KIF11: variants seen among roughly 807,000 people sequenced by gnomAD.
KIF11 encodes the protein kinesin-like protein KIF11.
A neutral mutation model predicts 121.0 loss-of-function variants in KIF11; 9 were observed. The ratio of observed to expected loss-of-function variants is 0.07; its 90% CI spans 0.04 to 0.13. The LOEUF (loss-of-function observed/expected upper bound fraction) is 0.13. Among genes scored for constraint, KIF11 ranks in the 10% least tolerant of loss-of-function variants. The pLI is 1.00. For missense variants in KIF11, 846 were observed against 1,217.5 expected (o/e 0.69, Z 4.54); for synonymous variants, 408 against 421.0 (o/e 0.97, Z 0.38).
At chr10:92,594,796 G>C (rs1844274094) in intron 1 of KIF11, among the ~76,000 whole-genome samples, 1 of 152,046 alleles carries the variant, frequency 6.6e-6, no homozygotes, top group African/African-American at 2.4e-5. Context: ...TCTTAGAAGA[G>C]ATTTACTTTA....
In KIF11 at chr10:92,649,783, AT is replaced by A. The variant is rs1844960448; in HGVS notation, c.2771-51del. On this transcript the variant is annotated intron_variant, in intron 19 of 21. Coordinates refer to ENST00000260731, the MANE Select transcript of KIF11 (RefSeq NM_004523.4). ...TAGGAAGTTTTAGGTTTTTTTAAAA[AT>A]ATTTACATCTCATACTTTAATTTTT... The A allele has an allele frequency of 3.1e-6, 4 of 1,288,588 alleles. No individual in the cohort carries two copies. The East Asian group carries it at 9.4e-5, about 30-fold the overall frequency. 79.8% of individuals were successfully genotyped at this position (1,288,588 alleles called of 1,614,324 possible). A position where few individuals can be genotyped will look rare whatever the true frequency, so the allele number is the denominator to read the frequency against.
In KIF11 at chr10:92,633,641, G is replaced by T; in HGVS notation, c.1721G>T (p.Ser574Ile). 6.2e-7 allele frequency: 1 copy of T among 1,606,068 alleles called. No individual in the cohort carries two copies. Among genetic ancestry groups the T allele is most frequent in the Non-Finnish European group, 8.5e-7 (1 of 1,175,020 alleles). ...GTTATAGGTAATCTGCTGTCTTCCAGTGTCTCTGCATTAGATACCATTACT... is the reference window on the plus strand; with the variant it reads ...GTTATAGGTAATCTGCTGTCTTCCATTGTCTCTGCATTAGATACCATTACT... ...KTLFGNLLSS[S>I]VSALDTITTV... The change falls in exon 14 of 22, where the codon AGT (serine) becomes ATT (isoleucine). Residue 574 changes from serine to isoleucine, a missense_variant. Physicochemically the swap from Ser to Ile is moderately radical, Grantham distance 142. Transcript: ENST00000260731.
At chr10:92,642,317 C>G (rs780703863) in intron 17 of KIF11, among the ~76,000 whole-genome samples, 1 of 152,184 alleles carries the variant, frequency 6.6e-6, no homozygotes, top group Non-Finnish European at 1.5e-5. Context: ...TCCAGGCTCA[C>G]TTTTATGGGC....
Position 92,616,726 on chromosome 10 carries a change from T to C in KIF11, c.1033-11T>C. 10 of 1,488,378 alleles carry C rather than the reference T, an allele frequency of 6.7e-6. No individual in the cohort carries two copies. The highest frequency in any genetic ancestry group is 9.3e-6 in the Non-Finnish European group (10 of 1,070,898). 92.2% of individuals were successfully genotyped at this position (1,488,378 alleles called of 1,614,324 possible). A position where few individuals can be genotyped will look rare whatever the true frequency, so the allele number is the denominator to read the frequency against. On this transcript the variant is annotated splice_polypyrimidine_tract_variant and intron_variant, in intron 8 of 21. Transcript: ENST00000260731. The stretch of plus-strand genomic sequence containing the variant: ...ATATCTTCAGTAATTGACCTTTCCT[T>C]TCCATGACAGGAAACTCTGAGTACA...
At chr10:92,636,573 G>C (rs1173437444) in intron 14 of KIF11, among the ~76,000 whole-genome samples, 2 of 151,680 alleles carry the variant, frequency 1.3e-5, no homozygotes, top group South Asian at 2.1e-4. Context: ...CCAAGATCAC[G>C]CCATTGCACT....
At chr10:92,609,609 C>G in intron 6 of KIF11, 100 bp downstream of exon 6, 2 of 1,128,768 alleles carry the variant, frequency 1.8e-6, no homozygotes, top group Non-Finnish European at 2.5e-6. Context: ...ATGTGGGTCA[C>G]GTACCTAGAG....
intron 6 of KIF11, among the ~76,000 whole-genome samples, chr10:92,611,029 T>G (rs1844489840): frequency 6.6e-6 from 1 of 152,212 alleles, no homozygotes; most frequent in Non-Finnish European, 1.5e-5. Context: ...TATTTTTCCT[T>G]TTTTCTTGTA....
In KIF11 at chr10:92,645,343, G is replaced by T. The variant is rs1293487354; in HGVS notation, c.2268-20G>T. ...AGTCTTAATTCCCCATTTCAACAGTGTCATTCTCTTTTCCTATAGGAAATC... is the reference window on the plus strand; with the variant it reads ...AGTCTTAATTCCCCATTTCAACAGTTTCATTCTCTTTTCCTATAGGAAATC... On this transcript the variant is annotated intron_variant, in intron 17 of 21. Transcript: ENST00000260731. 1 of 1,569,114 alleles carries T rather than the reference G, an allele frequency of 6.4e-7. No homozygotes were observed. Among genetic ancestry groups the T allele is most frequent in the Non-Finnish European group, 8.7e-7 (1 of 1,149,980 alleles).
At position 92,653,725 on chromosome 10, in the gene KIF11, A is replaced by G; in HGVS notation, c.3100A>G (p.Lys1034Glu). 6.2e-7 allele frequency: 1 copy of G among 1,613,262 alleles called. No homozygotes were observed. Among genetic ancestry groups the G allele is most frequent in the South Asian group, 1.1e-5 (1 of 91,052 alleles). The change falls in exon 22 of 22, where the codon AAA (lysine) becomes GAA (glutamate). Residue 1034 changes from lysine to glutamate, a missense_variant. Physicochemically the swap from Lys to Glu is moderately conservative, Grantham distance 56. This residue lies in a region of KIF11 where 492 missense variants were observed against 603.4 expected (regional missense o/e 0.82). Transcript: ENST00000260731. ...AGGCATTAACACACTGGAGAGGTCT[A>G]AAGTGGAAGAAACTACAGAGCACTT... is the stretch of plus-strand genomic sequence containing the variant. ...NRGINTLERS[K>E]VEETTEHLVT...
Position 92,633,809 on chromosome 10 carries a change from T to TC in KIF11, c.1875+14_1875+15insC. On this transcript the variant is annotated intron_variant, in intron 14 of 21. Transcript: ENST00000260731. ...CAGGAATTGATTGTTAGTACATCCTTTAAAATATTTTTGAAGGGTTGCATT... is the reference window on the plus strand; with the variant it reads ...CAGGAATTGATTGTTAGTACATCCTTCTAAAATATTTTTGAAGGGTTGCATT... The TC allele has an allele frequency of 6.6e-7, 1 of 1,504,274 alleles. No homozygotes were observed. The highest frequency in any genetic ancestry group is 9.1e-7 in the Non-Finnish European group (1 of 1,099,148). The allele number at this position is 1,504,274 out of a possible 1,614,324, so 93.2% of individuals were successfully genotyped here.
Position 92,609,169 on chromosome 10 carries a change from T to A in KIF11, c.537T>A (p.Ser179=). 1 of 1,590,918 alleles carries A rather than the reference T, an allele frequency of 6.3e-7. No individual in the cohort carries two copies. The highest frequency in any genetic ancestry group is 8.6e-7 in the Non-Finnish European group (1 of 1,169,554). ...FDLLNPSSDV[S]ERLQMFDDPR... is the part of the protein sequence containing the mutation. ...TTCTTAATCCATCATCTGATGTTTC[T>A]GAGAGACTACAGATGTTTGATGATC... The change falls in exon 5 of 22, where the codon TCT becomes TCA. Residue 179 remains serine (S), a synonymous_variant. Coordinates refer to ENST00000260731, the MANE Select transcript of KIF11 (RefSeq NM_004523.4).
chr10:92,644,022 C>T (rs1844894861), intron 17 of KIF11, among the ~76,000 whole-genome samples: 2 of 152,066 alleles, frequency 1.3e-5, no homozygotes, highest in Admixed American at 6.6e-5. Context: ...AGTATCTAGA[C>T]TGATGGATTT....
chr10:92,598,630 G>A (rs1179252625), intron 1 of KIF11, among the ~76,000 whole-genome samples: 2 of 152,158 alleles, frequency 1.3e-5, no homozygotes, highest in Admixed American at 6.5e-5. Flanking sequence ...TGTAAAACAC[G>A]TCATTGGGAT....
rs1844529025 is a variant in KIF11 at position 92,614,164 on chromosome 10, T to G, written c.1032+545T>G. Reference sequence around the variant, plus strand: ...CAGACTGGAGTGCGATGACGCGATCTCGGCTCACTGCAACCTCCACCTCCC... The same window carrying G: ...CAGACTGGAGTGCGATGACGCGATCGCGGCTCACTGCAACCTCCACCTCCC... On this transcript the variant is annotated intron_variant, in intron 8 of 21. Coordinates refer to ENST00000260731, the MANE Select transcript of KIF11 (RefSeq NM_004523.4). 2.0e-5 allele frequency among the ~76,000 whole-genome samples: 3 copies of G among 150,998 alleles called. No individual in the cohort carries two copies. In the South Asian group the frequency reaches 6.3e-4, roughly 32 times the overall value.
chr10:92,627,289 A>C (rs1204135784), intron 10 of KIF11, among the ~76,000 whole-genome samples: 3 of 152,208 alleles, frequency 2.0e-5, no homozygotes, highest in Admixed American at 6.5e-5. Context: ...ACAGGCATTC[A>C]TTTCTGAAAC....
chr10:92,616,203 TTTTG>T (rs1844555968), intron 8 of KIF11, among the ~76,000 whole-genome samples: 2 of 151,450 alleles, frequency 1.3e-5, no homozygotes, highest in African/African-American at 4.9e-5. Context: ...TTTTGTTTTG[TTTTG>T]TTTTTTTGTT....
chr10:92,619,135 C>T (rs915116553), intron 9 of KIF11, among the ~76,000 whole-genome samples: 1 of 152,088 alleles, frequency 6.6e-6, no homozygotes, highest in Admixed American at 6.6e-5. Flanking sequence ...TCCTTCCTCA[C>T]TCTCCCAAGT....
rs193298360 is a variant in KIF11, at chr10:92,622,887, C to T, written c.1217+1414C>T. 3.4e-3 allele frequency among the ~76,000 whole-genome samples: 524 copies of T among 152,042 alleles called. 1 individual carries two copies. Among genetic ancestry groups the T allele is most frequent in the African/African-American group, 0.012 (477 of 41,478 alleles). On this transcript the variant is annotated intron_variant, in intron 10 of 21. Coordinates refer to ENST00000260731, the MANE Select transcript of KIF11 (RefSeq NM_004523.4). ...GAGAAGCAAGCACATATTCACATGG[C>T]GGCAGGAGAGAGAAAGTGAAGAGGA...
chr10:92,644,187 T>A (rs1490069002), intron 17 of KIF11, among the ~76,000 whole-genome samples: 1 of 152,208 alleles, frequency 6.6e-6, no homozygotes, highest in African/African-American at 2.4e-5. Context: ...TCTAGGGACT[T>A]TGTATTCATC....
Sources: allele counts gnomAD v4.1 joint callset (sites outside exome capture counted in the v4.1 genomes callset), GRCh38; gene constraint gnomAD v4.1.1; regional missense constraint gnomAD v4.1.1; transcripts MANE v1.5; gene names NCBI Gene and HGNC (gene_info 2026-07-23, HGNC 2026-07-21).